The following ZNF33A variants were observed in gnomAD, a reference collection of about 807,000 sequenced individuals.
ZNF33A encodes brain my041 protein.
Under a neutral mutation model 15.9 loss-of-function variants are expected in ZNF33A, and 9 were observed. That is an observed-to-expected ratio of 0.57 (90% CI 0.34 to 0.99). The LOEUF is 0.99. Ranked by LOEUF, ZNF33A falls within the 50% of genes least tolerant of loss-of-function variation. The probability of loss-of-function intolerance (pLI) is 0.02; values close to 1 mark genes in which losing one functional copy is unlikely to be tolerated. For missense variants in ZNF33A, 843 were observed against 941.6 expected (o/e 0.90, Z 1.37); for synonymous variants, 294 against 324.2 (o/e 0.91, Z 1.00).
At chr10:38,011,435 A>C (rs2064179432) in intron 1 of ZNF33A, among the ~76,000 whole-genome samples, 1 of 152,192 alleles carries the variant, frequency 6.6e-6, no homozygotes, top group African/African-American at 2.4e-5. Flanking sequence ...AAATACGAAA[A>C]GTAGCCGGGC....
At chr10:38,026,018 G>A (rs1265046663) in intron 4 of ZNF33A, among the ~76,000 whole-genome samples, 1 of 152,172 alleles carries the variant, frequency 6.6e-6, no homozygotes, top group Non-Finnish European at 1.5e-5. Flanking sequence ...TGTCAGTAGT[G>A]TGACAACATT....
At chr10:38,033,219 T>C (rs1403833158) in intron 4 of ZNF33A, among the ~76,000 whole-genome samples, 1 of 152,236 alleles carries the variant, frequency 6.6e-6, no homozygotes, top group East Asian at 1.9e-4. Flanking sequence ...TGTGACCTTT[T>C]CTGCCTGGCT....
downstream of ZNF33A, among the ~76,000 whole-genome samples, chr10:38,067,666 C>A (rs1277046022): frequency 6.6e-6 from 1 of 152,106 alleles, no homozygotes; most frequent in African/African-American, 2.4e-5. Context: ...GGGTGCAGGG[C>A]ATTACACAGA....
intron 4 of ZNF33A, among the ~76,000 whole-genome samples, chr10:38,027,219 C>G (rs1011855074): frequency 6.6e-5 from 10 of 151,706 alleles, no homozygotes; most frequent in Non-Finnish European, 1.5e-4. Context: ...TTATGTTGAA[C>G]CACACAGGCA....
chr10:38,031,128 T>A (rs1269139763), intron 4 of ZNF33A, among the ~76,000 whole-genome samples: 1 of 152,226 alleles, frequency 6.6e-6, no homozygotes, highest in African/African-American at 2.4e-5. Flanking sequence ...GTGAAACTTG[T>A]GAAATCTGAA....
intron 2 of ZNF33A, among the ~76,000 whole-genome samples, chr10:38,013,583 C>A (rs185349851): frequency 6.6e-6 from 1 of 151,470 alleles, no homozygotes; most frequent in African/African-American, 2.4e-5. Context: ...CTCAACCTCC[C>A]GAGTAGCTGG....
chr10:38,016,589 T>C (rs1274645765), intron 2 of ZNF33A, among the ~76,000 whole-genome samples: 4 of 150,852 alleles, frequency 2.7e-5, no homozygotes, highest in Non-Finnish European at 4.5e-5. Flanking sequence ...TTGTAACATA[T>C]TACCACACAT....
intron 4 of ZNF33A, among the ~76,000 whole-genome samples, chr10:38,025,045 T>C (rs534416057): frequency 6.6e-6 from 1 of 152,356 alleles, no homozygotes; most frequent in African/African-American, 2.4e-5. Context: ...TTGTTAATCT[T>C]TCCCTGTCCC....
At chr10:38,012,251 A>G (rs2064218722) in intron 1 of ZNF33A, 47 bp from the exon 2 acceptor site, 3 of 1,594,440 alleles carry the variant, frequency 1.9e-6, no homozygotes, top group Non-Finnish European at 1.7e-6. Flanking sequence ...AGGAGTTGCC[A>G]GGCAGGCCAA....
chr10:38,011,146 G>A (rs1414099274), intron 1 of ZNF33A, among the ~76,000 whole-genome samples: 1 of 152,220 alleles, frequency 6.6e-6, no homozygotes, highest in Non-Finnish European at 1.5e-5. Context: ...GCAGTCGCCC[G>A]CCAGACCGGC....
At chr10:38,038,410 T>C (rs1229754388) in intron 4 of ZNF33A, among the ~76,000 whole-genome samples, 1 of 152,226 alleles carries the variant, frequency 6.6e-6, no homozygotes, top group Non-Finnish European at 1.5e-5. Flanking sequence ...CCAGAATTAT[T>C]TTTAAATTTT....
At chr10:38,025,214 TATA>T (rs2064933046) in intron 4 of ZNF33A, among the ~76,000 whole-genome samples, 1 of 152,196 alleles carries the variant, frequency 6.6e-6, no homozygotes, top group Non-Finnish European at 1.5e-5. Context: ...TATTAATAGC[TATA>T]ATAATCAAGA....
At chr10:38,010,614 C>A (rs375871447), upstream of ZNF33A, 6 of 1,240,356 alleles carry the variant, frequency 4.8e-6, no homozygotes, top group Non-Finnish European at 7.0e-6. Flanking sequence ...AGGTAGGGCG[C>A]CAACAGCATC....
rs925945885 is a variant in ZNF33A at position 38,010,719 on chromosome 10, C to CG, written c.-107dup. ...TTTTTCTCAGGTTTTGCGTGGGAGGCGGTCCCGGGATTTCAAGGGTCTACG... is the reference window on the plus strand; with the variant it reads ...TTTTTCTCAGGTTTTGCGTGGGAGGCGGGTCCCGGGATTTCAAGGGTCTACG... On this transcript the variant is annotated 5_prime_UTR_variant, in exon 1 of 5. Coordinates refer to ENST00000432900, the MANE Select transcript of ZNF33A (RefSeq NM_006954.2). The CG allele has an allele frequency of 1.3e-6, 2 of 1,598,280 alleles. No individual in the cohort carries two copies. The highest frequency in any genetic ancestry group is 2.7e-5 in the African/African-American group (2 of 74,920).
chr10:38,028,674 G>C (rs2065087371), intron 4 of ZNF33A, among the ~76,000 whole-genome samples: 1 of 152,010 alleles, frequency 6.6e-6, no homozygotes, highest in Admixed American at 6.6e-5. Flanking sequence ...TGCTGTGTTG[G>C]CCAGGCTGGT....
At chr10:38,013,394 C>G (rs1424702769) in intron 2 of ZNF33A, among the ~76,000 whole-genome samples, 4 of 151,322 alleles carry the variant, frequency 2.6e-5, no homozygotes, top group Non-Finnish European at 5.9e-5. Context: ...CAGGCGTGAG[C>G]CACTGCACCC....
chr10:38,014,380 CT>C (rs1186918011), intron 2 of ZNF33A, among the ~76,000 whole-genome samples: 4 of 152,132 alleles, frequency 2.6e-5, no homozygotes, highest in Non-Finnish European at 4.4e-5. Context: ...TTACCAATCC[CT>C]AGATTAGTTT....
rs372199687 is a variant in ZNF33A at position 38,037,969 on chromosome 10, A to G, written c.251-16406A>G. On this transcript the variant is annotated intron_variant, in intron 4 of 4. Transcript: ENST00000432900. ...AGGTATTAATTTGGCAGTTATTGCCATCTTAACCATATGAACACTGTTCAG... is the reference window on the plus strand; with the variant it reads ...AGGTATTAATTTGGCAGTTATTGCCGTCTTAACCATATGAACACTGTTCAG... 2.0e-5 allele frequency among the ~76,000 whole-genome samples: 3 copies of G among 152,202 alleles called. No individual in the cohort carries two copies. The East Asian group carries it at 5.8e-4, about 29-fold the overall frequency.
upstream of ZNF33A, chr10:38,010,587 C>G (rs1451454695): frequency 3.3e-5 from 32 of 973,696 alleles, no homozygotes; most frequent in South Asian, 1.5e-4. Flanking sequence ...CCCGGCCTCA[C>G]GGGAAAGGTA....
Sources: gnomAD v4.1 joint callset for allele counts (sites outside exome capture counted in the v4.1 genomes callset) on GRCh38, gnomAD v4.1.1 for gene constraint, MANE v1.5 for transcripts, NCBI Gene and HGNC (gene_info 2026-07-23, HGNC 2026-07-21) for gene names.